NUBPL: variants seen among roughly 807,000 people sequenced by gnomAD.
NUBPL encodes NUBP iron-sulfur cluster assembly factor, mitochondrial, also known as iron-sulfur cluster transfer protein NUBPL.
Under a neutral mutation model 45.7 loss-of-function variants are expected in NUBPL, and 31 were observed. The observed-to-expected ratio is 0.68, with a 90% confidence interval of 0.51 to 0.92. NUBPL has a LOEUF of 0.92. NUBPL is among the 40% of genes least tolerant of loss of function. The pLI is 0.00. For missense variants in NUBPL, 401 were observed against 398.7 expected, an observed-to-expected ratio of 1.01 and a Z score of -0.05; for synonymous variants, 144 against 140.9, an observed-to-expected ratio of 1.02 and a Z score of -0.15.
At position 31,840,974 on chromosome 14, in the gene NUBPL, T is replaced by C. The variant is rs7156946; in HGVS notation, c.694-5497T>C. On this transcript the variant is annotated intron_variant, in intron 8 of 10. Transcript: ENST00000281081. ...GTTATACGTTTGTGTGTCCGGTTTA[T>C]TTTGTTTAAAATTATGTTTGTGAGA... Among the ~76,000 whole-genome samples the C allele has an allele frequency of 6.4e-3, 975 of 152,364 alleles. 11 individuals are homozygous for C. The highest frequency in any genetic ancestry group is 0.022 in the African/African-American group (919 of 41,588).
At chr14:31,602,228 G>C (rs2034455010) in intron 4 of NUBPL, among the ~76,000 whole-genome samples, 1 of 151,918 alleles carries the variant, frequency 6.6e-6, no homozygotes, top group East Asian at 1.9e-4. Context: ...ATCACACTCT[G>C]GGGACTGTTG....
intron 4 of NUBPL, among the ~76,000 whole-genome samples, chr14:31,602,452 A>G (rs893745679): frequency 2.6e-5 from 4 of 151,614 alleles, no homozygotes; most frequent in East Asian, 1.9e-4. Context: ...AATCATTTCT[A>G]TAATTCGCTA....
At chr14:31,668,297 G>C (rs528567670) in intron 4 of NUBPL, among the ~76,000 whole-genome samples, 1 of 152,328 alleles carries the variant, frequency 6.6e-6, no homozygotes, top group Admixed American at 6.5e-5. Context: ...GCCCATAGCT[G>C]CTTTGCTGCA....
intron 4 of NUBPL, among the ~76,000 whole-genome samples, chr14:31,602,576 C>T (rs2034472407): frequency 6.6e-6 from 1 of 151,958 alleles, no homozygotes; most frequent in African/African-American, 2.4e-5. Context: ...TGATTCTCAG[C>T]CCCATCCATT....
chr14:31,609,430 A>T lies in NUBPL; in HGVS notation c.382+10051A>T, dbSNP rs555630286. On this transcript the variant is annotated intron_variant, in intron 4 of 10. Coordinates refer to ENST00000281081, the MANE Select transcript of NUBPL (RefSeq NM_025152.3). ...TGGAGCACCTGGATATATAAAGCAA[A>T]TATTATCAGAGCTAAAGAAAGAGAT... Among the ~76,000 whole-genome samples, 4 of 152,336 alleles carry T rather than the reference A, an allele frequency of 2.6e-5. No homozygotes were observed. The East Asian group carries it at 7.7e-4, about 29-fold the overall frequency.
At chr14:31,594,039 C>A (rs2034218966) in intron 3 of NUBPL, among the ~76,000 whole-genome samples, 1 of 152,056 alleles carries the variant, frequency 6.6e-6, no homozygotes, top group Non-Finnish European at 1.5e-5. Context: ...TATCTCTGGG[C>A]CTTAGTTTCT....
At chr14:31,827,632 G>A (rs1225251432) in intron 8 of NUBPL, among the ~76,000 whole-genome samples, 2 of 152,128 alleles carry the variant, frequency 1.3e-5, no homozygotes, top group African/African-American at 4.8e-5. Context: ...ACAGATTTTA[G>A]AGCATATATA....
intron 6 of NUBPL, among the ~76,000 whole-genome samples, chr14:31,701,595 T>C (rs2037341338): frequency 6.6e-6 from 1 of 152,226 alleles, no homozygotes; most frequent in Non-Finnish European, 1.5e-5. Context: ...GGTCTGCAGC[T>C]TCACTCCTGA....
intron 6 of NUBPL, among the ~76,000 whole-genome samples, chr14:31,685,176 C>T (rs1189108592): frequency 1.3e-5 from 2 of 152,074 alleles, no homozygotes; most frequent in Non-Finnish European, 2.9e-5. Flanking sequence ...TGGAACTGTC[C>T]ACCTGATTCC....
In NUBPL at chr14:31,573,443, T is replaced by C. The variant is rs139176481; in HGVS notation, c.291+8395T>C. On this transcript the variant is annotated intron_variant, in intron 3 of 10. Coordinates refer to ENST00000281081, the MANE Select transcript of NUBPL (RefSeq NM_025152.3). ...CTAGTCTGGTCTGTCTGGTTTTCTATGGTAGATGTGTATTTGAATGCTTTA... is the reference window on the plus strand; with the variant it reads ...CTAGTCTGGTCTGTCTGGTTTTCTACGGTAGATGTGTATTTGAATGCTTTA... Among the ~76,000 whole-genome samples the C allele has an allele frequency of 6.6e-5, 10 of 152,326 alleles. No homozygotes were observed. The East Asian group carries it at 1.9e-3, about 29-fold the overall frequency.
At chr14:31,855,973 T>C (rs2040611312) in intron 10 of NUBPL, among the ~76,000 whole-genome samples, 1 of 152,248 alleles carries the variant, frequency 6.6e-6, no homozygotes, top group Admixed American at 6.5e-5. Context: ...TTGGCAAATA[T>C]TAAGTACTCA....
Position 31,673,468 on chromosome 14 carries a change from T to C in NUBPL, c.423-16T>C. ...AATTTATACAAATTAGTTGTATTTTTATGTTACTGTTGCAGTATGTCTATG... is the reference window on the plus strand; with the variant it reads ...AATTTATACAAATTAGTTGTATTTTCATGTTACTGTTGCAGTATGTCTATG... On this transcript the variant is annotated splice_polypyrimidine_tract_variant and intron_variant, in intron 5 of 10. Transcript: ENST00000281081. 1 of 1,612,092 alleles carries C rather than the reference T, an allele frequency of 6.2e-7. No homozygotes were observed. The highest frequency in any genetic ancestry group is 8.5e-7 in the Non-Finnish European group (1 of 1,178,246).
chr14:31,653,264 C>G (rs2036056323), intron 4 of NUBPL, among the ~76,000 whole-genome samples: 2 of 152,188 alleles, frequency 1.3e-5, no homozygotes, highest in Admixed American at 1.3e-4. Context: ...GAGAACTGTT[C>G]TGACCTTAAA....
At chr14:31,711,170 G>A (rs1231893207) in intron 6 of NUBPL, among the ~76,000 whole-genome samples, 1 of 152,192 alleles carries the variant, frequency 6.6e-6, no homozygotes, top group Non-Finnish European at 1.5e-5. Flanking sequence ...CCAACTTGTT[G>A]TTCGGACCCC....
At chr14:31,755,618 G>A (rs536587581) in intron 6 of NUBPL, among the ~76,000 whole-genome samples, 24 of 152,186 alleles carry the variant, frequency 1.6e-4, no homozygotes, top group African/African-American at 4.6e-4. Flanking sequence ...AGATGAGTAG[G>A]TTGCAAAAAT....
intron 8 of NUBPL, chr14:31,845,375 A>G (rs2040436058): frequency 6.6e-6 from 1 of 152,190 alleles, no homozygotes; most frequent in Admixed American, 6.5e-5. Context: ...TAAAATAACC[A>G]TCTCGGCTGG....
intron 4 of NUBPL, among the ~76,000 whole-genome samples, chr14:31,599,667 C>T (rs775217395): frequency 3.3e-5 from 5 of 151,958 alleles, no homozygotes; most frequent in Non-Finnish European, 5.9e-5. Flanking sequence ...TAAATTTGGG[C>T]TATAAGTACA....
chr14:31,817,325 G>C (rs1187356150), intron 7 of NUBPL, among the ~76,000 whole-genome samples: 1 of 151,974 alleles, frequency 6.6e-6, no homozygotes, highest in African/African-American at 2.4e-5. Flanking sequence ...GAAACACAGA[G>C]AACACTGCAA....
chr14:31,816,096 T>C (rs2039910065), intron 7 of NUBPL, among the ~76,000 whole-genome samples: 1 of 152,226 alleles, frequency 6.6e-6, no homozygotes, highest in South Asian at 2.1e-4. Context: ...TTTGGAATAA[T>C]TTCAGAAGGA....
Sources: allele counts gnomAD v4.1 joint callset (sites outside exome capture counted in the v4.1 genomes callset), GRCh38; gene constraint gnomAD v4.1.1; transcripts MANE v1.5; gene names NCBI Gene and HGNC (gene_info 2026-07-23, HGNC 2026-07-21).